The following FLVCR2 variants were observed in gnomAD, a reference collection of about 807,000 sequenced individuals.
FLVCR2 encodes choline/ethanolamine transporter FLVCR2.
A neutral mutation model predicts 48.9 loss-of-function variants in FLVCR2; 38 were observed. The observed-to-expected ratio is 0.78, with a 90% CI of 0.60 to 1.02. FLVCR2 has a LOEUF of 1.02. Ranked by LOEUF, FLVCR2 falls within the 50% of genes least tolerant of loss-of-function variation. The pLI is 0.00. For missense variants in FLVCR2, 664 were observed against 663.3 expected, an observed-to-expected ratio of 1.00 and a Z score of -0.01; for synonymous variants, 255 against 257.0, an observed-to-expected ratio of 0.99 and a Z score of 0.07.
At chr14:75,615,530 G>T (rs1349121095) in intron 1 of FLVCR2, among the ~76,000 whole-genome samples, 1 of 152,120 alleles carries the variant, frequency 6.6e-6, no homozygotes, top group Non-Finnish European at 1.5e-5. Flanking sequence ...GAGCTAGGTG[G>T]TATTTTCTTC....
At position 75,579,471 on chromosome 14, in the gene FLVCR2, G is replaced by C; in HGVS notation, c.499G>C (p.Val167Leu). The C allele has an allele frequency of 6.2e-7, 1 of 1,613,566 alleles. No individual in the cohort carries two copies. The change falls in exon 1 of 10, where the codon GTG becomes CTG. Residue 167 changes from valine to leucine, a missense_variant. Transcript: ENST00000238667. Reference sequence around the variant, plus strand: ...GGCTCTCAACTGCCTGGGGGCCTGGGTGAAGCTGGGCAGCCTGAAGCCGCA... The same window carrying C: ...GGCTCTCAACTGCCTGGGGGCCTGGCTGAAGCTGGGCAGCCTGAAGCCGCA... ...GSALNCLGAW[V>L]KLGSLKPHLF...
rs185461641 is a variant in FLVCR2 at position 75,596,572 on chromosome 14, G to A, written c.669+16931G>A. Among the ~76,000 whole-genome samples the A allele has an allele frequency of 8.1e-3, 1,230 of 152,170 alleles. 10 individuals are homozygous for A. Among genetic ancestry groups the A allele is most frequent in the Non-Finnish European group, 9.8e-3 (665 of 67,978 alleles). ...ATTTTTTTCCTTTGAAGAGAAATCA[G>A]AAATCCAGATTTTTATGTGAAATCT... On this transcript the variant is annotated intron_variant, in intron 1 of 9. Transcript: ENST00000238667.
intron 1 of FLVCR2, among the ~76,000 whole-genome samples, chr14:75,617,486 G>A (rs774790638): frequency 5.3e-5 from 8 of 152,080 alleles, no homozygotes; most frequent in Non-Finnish European, 8.8e-5. Context: ...CCCTCTATTG[G>A]GATGAAGTAA....
intron 1 of FLVCR2, among the ~76,000 whole-genome samples, chr14:75,614,243 A>T (rs2140030030): frequency 6.6e-6 from 1 of 152,320 alleles, no homozygotes; most frequent in East Asian, 1.9e-4. Context: ...TTCTCTGAGA[A>T]CCTTGTCTAG....
intron 3 of FLVCR2, among the ~76,000 whole-genome samples, chr14:75,628,092 T>G (rs1252798567): frequency 6.6e-6 from 1 of 152,164 alleles, no homozygotes; most frequent in Non-Finnish European, 1.5e-5. Context: ...CTGTGTTTGT[T>G]CCAAATTAAA....
intron 1 of FLVCR2, among the ~76,000 whole-genome samples, chr14:75,617,497 A>G (rs987777394): frequency 1.3e-5 from 2 of 152,206 alleles, no homozygotes; most frequent in Non-Finnish European, 2.9e-5. Context: ...GATGAAGTAA[A>G]CTATAGTTGT....
chr14:75,641,964 C>A, intron 9 of FLVCR2, 66 bp downstream of exon 9: 1 of 1,414,202 alleles, frequency 7.1e-7, no homozygotes, highest in Non-Finnish European at 1.0e-6. Context: ...GATGTGGCAA[C>A]ATAGATGGGG....
At chr14:75,643,993 A>G (rs951893615) in intron 9 of FLVCR2, among the ~76,000 whole-genome samples, 7 of 150,928 alleles carry the variant, frequency 4.6e-5, no homozygotes, top group African/African-American at 1.7e-4. Flanking sequence ...AGCTGAGATC[A>G]TGCCATTGCA....
In FLVCR2 at chr14:75,633,559, G is replaced by A; in HGVS notation, c.953-70G>A. On this transcript the variant is annotated intron_variant, in intron 3 of 9. Coordinates refer to ENST00000238667, the MANE Select transcript of FLVCR2 (RefSeq NM_017791.3). ...GATTTCTGCCCACCCCCCAAATGCT[G>A]GGGGAGAAGTTAGCAATGGCCCCAG... 6 of 1,226,512 alleles carry A rather than the reference G, an allele frequency of 4.9e-6. No homozygotes were observed. The South Asian group carries it at 7.2e-5, about 15-fold the overall frequency. 76.0% of individuals were successfully genotyped at this position (1,226,512 alleles called of 1,614,324 possible). A position where few individuals can be genotyped will look rare whatever the true frequency, so the allele number is the denominator to read the frequency against.
At chr14:75,611,527 G>T (rs1889447744) in intron 1 of FLVCR2, among the ~76,000 whole-genome samples, 1 of 152,132 alleles carries the variant, frequency 6.6e-6, no homozygotes, top group Admixed American at 6.5e-5. Flanking sequence ...CTTGAGCCCA[G>T]GAGTTCGAGA....
intron 3 of FLVCR2, chr14:75,631,631 T>C (rs1387484281): frequency 2.7e-6 from 1 of 367,986 alleles, no homozygotes; most frequent in Non-Finnish European, 5.4e-6. Context: ...TAAGCCTGAG[T>C]TGGAACATTC....
chr14:75,635,185 T>C (rs1890136808), intron 5 of FLVCR2, among the ~76,000 whole-genome samples, 172 bp downstream of exon 5: 1 of 152,150 alleles, frequency 6.6e-6, no homozygotes, highest in East Asian at 1.9e-4. Context: ...AGGGAAGCTA[T>C]ACCCGTCTTA....
At chr14:75,606,890 G>A (rs946455225) in intron 1 of FLVCR2, among the ~76,000 whole-genome samples, 1 of 151,690 alleles carries the variant, frequency 6.6e-6, no homozygotes, top group African/African-American at 2.4e-5. Context: ...GTTGCAGTGC[G>A]CCAAGATCAT....
Position 75,579,623 on chromosome 14 carries a change from G to A in FLVCR2, c.651G>A (p.Val217=). The A allele has an allele frequency of 6.2e-7, 1 of 1,614,144 alleles. No individual in the cohort carries two copies. Among genetic ancestry groups the A allele is most frequent in the Non-Finnish European group, 8.5e-7 (1 of 1,180,034 alleles). The change falls in exon 1 of 10, where the codon GTG becomes GTA. Residue 217 remains valine, a synonymous_variant. Coordinates refer to ENST00000238667, the MANE Select transcript of FLVCR2 (RefSeq NM_017791.3). ...ATGAGGTTTCAACAGCCTGCTCCGT[G>A]GCTGTCTTTGGCAATCAGGTAGGTA... ...GANEVSTACS[V]AVFGNQLGIA...
At chr14:75,589,061 A>T (rs1331848020) in intron 1 of FLVCR2, among the ~76,000 whole-genome samples, 3 of 151,850 alleles carry the variant, frequency 2.0e-5, no homozygotes, top group South Asian at 2.1e-4. Context: ...TTTTTTTTTA[A>T]AAAAAGAAGC....
intron 1 of FLVCR2, among the ~76,000 whole-genome samples, chr14:75,592,806 T>C (rs1888918139): frequency 6.6e-6 from 1 of 151,804 alleles, no homozygotes; most frequent in South Asian, 2.1e-4. Context: ...CTGGCCAACA[T>C]GGTGAAACCC....
chr14:75,599,120 T>G (rs915174574), intron 1 of FLVCR2, among the ~76,000 whole-genome samples: 7 of 152,182 alleles, frequency 4.6e-5, no homozygotes, highest in Non-Finnish European at 1.0e-4. Flanking sequence ...AAGTCAAAGA[T>G]CTACAGCAAC....
chr14:75,614,445 G>A (rs1258703611), intron 1 of FLVCR2, among the ~76,000 whole-genome samples: 1 of 152,200 alleles, frequency 6.6e-6, no homozygotes, highest in Non-Finnish European at 1.5e-5. Context: ...TTAGAGCAAG[G>A]CAATCACGCC....
chr14:75,646,512 C>A lies in FLVCR2; in HGVS notation c.*40C>A. 7.0e-7 allele frequency: 1 copy of A among 1,425,530 alleles called. No individual in the cohort carries two copies. 88.3% of individuals were successfully genotyped at this position (1,425,530 alleles called of 1,614,324 possible). On this transcript the variant is annotated 3_prime_UTR_variant, in exon 10 of 10. Coordinates refer to ENST00000238667, the MANE Select transcript of FLVCR2 (RefSeq NM_017791.3). ...CAACTCAGGGAACACGAACACCCCA[C>A]CTTTTCCTTCAGCACAGCTCTCACC...
Sources: gnomAD v4.1 joint callset for allele counts (sites outside exome capture counted in the v4.1 genomes callset) on GRCh38, gnomAD v4.1.1 for gene constraint, MANE v1.5 for transcripts, NCBI Gene and HGNC (gene_info 2026-07-23, HGNC 2026-07-21) for gene names.